The following SNX29 variants were observed in gnomAD, a reference collection of about 807,000 sequenced individuals.
The protein encoded by SNX29 is sorting nexin 29, also known as sorting nexin-29.
SNX29 carries 78 observed loss-of-function variants against 102.1 expected under a neutral mutation model. That is an observed-to-expected ratio of 0.76 (90% CI 0.64 to 0.92). SNX29 has a LOEUF of 0.92. SNX29 is among the 40% of genes least tolerant of loss of function. The probability of loss-of-function intolerance (pLI) is 0.00; values close to 1 mark genes in which losing one functional copy is unlikely to be tolerated. For synonymous variants in SNX29, 580 were observed against 414.5 expected, an observed-to-expected ratio of 1.40 and a Z score of -4.85; for missense variants, 1,280 against 1,061.7, an observed-to-expected ratio of 1.21 and a Z score of -2.86.
intron 15 of SNX29, among the ~76,000 whole-genome samples, chr16:12,349,036 C>G (rs911137060): frequency 6.6e-6 from 1 of 152,154 alleles, no homozygotes; most frequent in African/African-American, 2.4e-5. Context: ...TGTGGCCTCC[C>G]GGTAGAGGAG....
chr16:12,558,000 G>C (rs1370481355), intron 20 of SNX29, among the ~76,000 whole-genome samples: 1 of 152,124 alleles, frequency 6.6e-6, no homozygotes, highest in Non-Finnish European at 1.5e-5. Flanking sequence ...CGGTTGGTTG[G>C]GCTGGGTGCT....
At chr16:12,534,249 C>G (rs1454883160) in intron 20 of SNX29, among the ~76,000 whole-genome samples, 1 of 152,252 alleles carries the variant, frequency 6.6e-6, no homozygotes, top group Non-Finnish European at 1.5e-5. Flanking sequence ...GATGTCTGCT[C>G]AGTGCCCAAG....
chr16:12,530,541 GTTT>G (rs146524178), intron 20 of SNX29, among the ~76,000 whole-genome samples: 7,375 of 146,900 alleles, frequency 0.05, 206 homozygotes, highest in Middle Eastern at 0.096. Flanking sequence ...ATTTGCCTTC[GTTT>G]TTTTTTTTTG....
chr16:12,081,382 G>T (rs1186812140), intron 11 of SNX29: 1 of 152,200 alleles, frequency 6.6e-6, no homozygotes, highest in Non-Finnish European at 1.5e-5. Context: ...AAAGGGAATT[G>T]TGCCGGAAAA....
chr16:12,461,574 C>T (rs1005081882), intron 18 of SNX29, among the ~76,000 whole-genome samples: 7 of 152,182 alleles, frequency 4.6e-5, no homozygotes, highest in South Asian at 2.1e-4. Flanking sequence ...ACCTCCCATC[C>T]GTCACAGCAA....
At chr16:12,420,439 G>T (rs1417475982) in intron 18 of SNX29, among the ~76,000 whole-genome samples, 1 of 152,202 alleles carries the variant, frequency 6.6e-6, no homozygotes, top group Non-Finnish European at 1.5e-5. Context: ...CCTGGGAGGT[G>T]AGGGTGGTGG....
intron 11 of SNX29, among the ~76,000 whole-genome samples, chr16:12,122,265 G>T (rs1253079124): frequency 1.3e-5 from 2 of 152,090 alleles, no homozygotes; most frequent in Non-Finnish European, 2.9e-5. Flanking sequence ...CGCGTCTCTT[G>T]TCAGCCTGTG....
chr16:12,539,733 G>A (rs964975830), intron 20 of SNX29, among the ~76,000 whole-genome samples: 18 of 152,212 alleles, frequency 1.2e-4, no homozygotes, highest in African/African-American at 2.2e-4. Context: ...CTGTTCACAA[G>A]GATGCAGAAT....
intron 15 of SNX29, among the ~76,000 whole-genome samples, chr16:12,291,311 A>G (rs556116811): frequency 6.6e-6 from 1 of 152,204 alleles, no homozygotes; most frequent in African/African-American, 2.4e-5. Flanking sequence ...GGAGCAAGTC[A>G]TGTCTAACAT....
At chr16:12,396,286 C>T (rs903177708) in intron 16 of SNX29, among the ~76,000 whole-genome samples, 13 of 152,338 alleles carry the variant, frequency 8.5e-5, no homozygotes, top group Admixed American at 2.0e-4. Flanking sequence ...CCTTGTCTTT[C>T]ACCTTGGTCC....
intron 3 of SNX29, among the ~76,000 whole-genome samples, chr16:12,008,954 C>A (rs575094792): frequency 1.3e-5 from 2 of 151,808 alleles, no homozygotes; most frequent in South Asian, 2.1e-4. Context: ...GTTGGTCAGG[C>A]TGGTCTTAAA....
At chr16:12,479,734 C>G (rs1310946636) in intron 19 of SNX29, among the ~76,000 whole-genome samples, 1 of 152,166 alleles carries the variant, frequency 6.6e-6, no homozygotes, top group Non-Finnish European at 1.5e-5. Context: ...ATGCTGCTAA[C>G]CAGCGTATTA....
chr16:12,494,541 G>A (rs928910544), intron 19 of SNX29, among the ~76,000 whole-genome samples: 5 of 152,158 alleles, frequency 3.3e-5, no homozygotes, highest in Admixed American at 2.6e-4. Flanking sequence ...TCCAAAACGG[G>A]GTCCAGCAAG....
At chr16:12,236,531 C>G (rs1274596645) in intron 14 of SNX29, among the ~76,000 whole-genome samples, 1 of 152,186 alleles carries the variant, frequency 6.6e-6, no homozygotes, top group East Asian at 1.9e-4. Context: ...TTCCGCATCC[C>G]TGAAGACTTA....
At chr16:12,410,632 C>A (rs1228148397) in intron 18 of SNX29, among the ~76,000 whole-genome samples, 1 of 152,046 alleles carries the variant, frequency 6.6e-6, no homozygotes, top group Non-Finnish European at 1.5e-5. Context: ...CAGGGTCTCA[C>A]TGTGCTGCCT....
chr16:12,389,501 C>T (rs2083449761), intron 16 of SNX29, among the ~76,000 whole-genome samples: 1 of 152,160 alleles, frequency 6.6e-6, no homozygotes. Flanking sequence ...CTCTTCCTTG[C>T]CTTCCACCGT....
At chr16:12,298,065 G>T (rs1361611935) in intron 15 of SNX29, among the ~76,000 whole-genome samples, 1 of 152,214 alleles carries the variant, frequency 6.6e-6, no homozygotes, top group East Asian at 1.9e-4. Flanking sequence ...AGCTACTTGG[G>T]AGGCTGAGGC....
At chr16:12,464,589 GACTT>G (rs1261452182) in intron 18 of SNX29, among the ~76,000 whole-genome samples, 3 of 151,936 alleles carry the variant, frequency 2.0e-5, no homozygotes, top group African/African-American at 7.3e-5. Context: ...GAGTAGCTGG[GACTT>G]ACAGGCATGT....
At chr16:12,226,559 C>T (rs1054832118) in intron 14 of SNX29, among the ~76,000 whole-genome samples, 3 of 145,974 alleles carry the variant, frequency 2.1e-5, no homozygotes, top group African/African-American at 5.0e-5. Flanking sequence ...AGCTGAAGGG[C>T]GTGGACTGAG....
Sources: gnomAD v4.1 joint callset for allele counts (sites outside exome capture counted in the v4.1 genomes callset) on GRCh38, gnomAD v4.1.1 for gene constraint, MANE v1.5 for transcripts, NCBI Gene and HGNC (gene_info 2026-07-23, HGNC 2026-07-21) for gene names.